Variants in UNC79 observed in about 807,000 individuals in gnomAD.
The protein encoded by UNC79 is protein unc-79 homolog.
Under a neutral mutation model 283.1 loss-of-function variants are expected in UNC79, and 37 were observed. The ratio of observed to expected loss-of-function variants is 0.13; its 90% CI spans 0.10 to 0.17. The LOEUF (loss-of-function observed/expected upper bound fraction) is 0.17, where lower values mean the gene tolerates loss of function less well. Ranked by LOEUF, UNC79 falls within the 10% of genes least tolerant of loss-of-function variation. The pLI, the probability that UNC79 is intolerant of heterozygous loss-of-function variation, is 1.00. For missense variants in UNC79, 2,272 were observed against 3,211.1 expected, an observed-to-expected ratio of 0.71 and a Z score of 7.07; for synonymous variants, 1,107 against 1,200.2, an observed-to-expected ratio of 0.92 and a Z score of 1.61.
intron 20 of UNC79, among the ~76,000 whole-genome samples, chr14:93,583,917 C>T (rs2064017387): frequency 6.6e-6 from 1 of 151,950 alleles, no homozygotes; most frequent in Non-Finnish European, 1.5e-5. Flanking sequence ...GCAGTCCTCC[C>T]ACCTCAGCCT....
intron 26 of UNC79, among the ~76,000 whole-genome samples, chr14:93,608,583 A>G (rs2066058428): frequency 6.6e-6 from 1 of 152,232 alleles, no homozygotes; most frequent in African/African-American, 2.4e-5. Flanking sequence ...CAGGGAGATG[A>G]GCGAGGCAGT....
chr14:93,430,802 T>G lies in UNC79; in HGVS notation c.-228T>G. 2.1e-6 allele frequency: 1 copy of G among 467,844 alleles called. No individual in the cohort carries two copies. Among genetic ancestry groups the G allele is most frequent in the East Asian group, 4.0e-5 (1 of 25,108 alleles). The allele number at this position is 467,844 out of a possible 1,614,324, so 29.0% of individuals were successfully genotyped here. A position where few individuals can be genotyped will look rare whatever the true frequency, so the allele number is the denominator to read the frequency against. The stretch of plus-strand genomic sequence containing the variant: ...GGACAGGAAGCCTTTGGCCGCCTAT[T>G]AAATCCCACCCATTTCTCCGGGGGC... On this transcript the variant is annotated 5_prime_UTR_variant, in exon 1 of 49. Transcript: ENST00000555664. This position sits in a 1 kb window ranked among gnomAD's most constrained non-coding sequence, Gnocchi z 4.6.
At chr14:93,469,875 C>T (rs893780293) in intron 2 of UNC79, among the ~76,000 whole-genome samples, 1 of 152,060 alleles carries the variant, frequency 6.6e-6, no homozygotes, top group Admixed American at 6.6e-5. Flanking sequence ...GAGCGACACC[C>T]TATCTCTAAG....
At chr14:93,572,744 G>T in exon 16 of UNC79, 1 of 1,614,162 alleles carries the variant, frequency 6.2e-7, no homozygotes, top group Non-Finnish European at 8.5e-7. Flanking sequence ...TGGAGGAGAT[G>T]TTTGGTTTTA....
At chr14:93,669,502 C>G (rs1395104762) in intron 40 of UNC79, among the ~76,000 whole-genome samples, 1 of 152,144 alleles carries the variant, frequency 6.6e-6, no homozygotes, top group Non-Finnish European at 1.5e-5. Flanking sequence ...TGCCATGCCT[C>G]CTGACCCACA....
chr14:93,577,323 G>A (rs2063530990), intron 17 of UNC79, among the ~76,000 whole-genome samples: 1 of 152,206 alleles, frequency 6.6e-6, no homozygotes, highest in African/African-American at 2.4e-5. Context: ...GGCCAAGGAG[G>A]TAGTAAGAGT....
chr14:93,449,498 A>G (rs776937251), intron 1 of UNC79, among the ~76,000 whole-genome samples: 12 of 152,022 alleles, frequency 7.9e-5, no homozygotes, highest in Non-Finnish European at 1.6e-4. Context: ...CATGCCTTTA[A>G]TCCCAGCTAC....
chr14:93,625,088 T>C (rs959811615), intron 30 of UNC79, among the ~76,000 whole-genome samples: 2 of 152,214 alleles, frequency 1.3e-5, no homozygotes, highest in Non-Finnish European at 2.9e-5. Context: ...CCTAGGAAAT[T>C]CATGGTCCTT....
chr14:93,357,983 A>G (rs1349447889), intron 1 of UNC79, among the ~76,000 whole-genome samples: 1 of 142,524 alleles, frequency 7.0e-6, no homozygotes, highest in African/African-American at 2.6e-5. Flanking sequence ...ATAGATATAT[A>G]TCTCTCTCCT....
chr14:93,696,987 T>C (rs1243779112), intron 47 of UNC79, among the ~76,000 whole-genome samples: 1 of 152,150 alleles, frequency 6.6e-6, no homozygotes, highest in Non-Finnish European at 1.5e-5. Flanking sequence ...TTTTTGTATA[T>C]GGATAGTCAG....
chr14:93,618,104 A>C (rs1343404812), intron 28 of UNC79, 88 bp from the exon 30 acceptor site: 2 of 1,404,266 alleles, frequency 1.4e-6, no homozygotes, highest in African/African-American at 1.4e-5. Context: ...CCCAAGAGAT[A>C]CTGCAAAAAG....
chr14:93,563,965 G>A (rs918253653), intron 14 of UNC79, among the ~76,000 whole-genome samples: 1 of 152,152 alleles, frequency 6.6e-6, no homozygotes, highest in Non-Finnish European at 1.5e-5. Context: ...GTTGAGCATA[G>A]TTCATGATTT....
intron 1 of UNC79, among the ~76,000 whole-genome samples, chr14:93,395,863 C>G (rs2054984836): frequency 6.6e-6 from 1 of 151,708 alleles, no homozygotes; most frequent in Admixed American, 6.6e-5. Flanking sequence ...GTTTGAATAT[C>G]TAGGCATGGA....
At chr14:93,680,061 A>T (rs190640734) in intron 41 of UNC79, among the ~76,000 whole-genome samples, 2 of 152,176 alleles carry the variant, frequency 1.3e-5, no homozygotes, top group African/African-American at 4.8e-5. Context: ...AGGCTTATGC[A>T]CTTTTATTTC....
intron 1 of UNC79, chr14:93,347,251 T>C (rs769238297): frequency 6.3e-6 from 10 of 1,590,254 alleles, no homozygotes; most frequent in South Asian, 1.1e-5. Flanking sequence ...CGCCTGGCTT[T>C]GTCTCACCTG....
intron 1 of UNC79, among the ~76,000 whole-genome samples, chr14:93,423,328 C>T (rs1294700295): frequency 6.6e-6 from 1 of 152,020 alleles, no homozygotes; most frequent in Non-Finnish European, 1.5e-5. Flanking sequence ...ATCAAAATAC[C>T]AATGACATTC....
Position 93,688,689 on chromosome 14 carries a change from C to T in UNC79, c.6934C>T (p.Pro2312Ser). The change falls in exon 44 of 49, where the codon CCT (proline) becomes TCT (serine). Residue 2312 changes from proline (P) to serine (S), a missense_variant. Physicochemically the swap from Pro to Ser is moderately conservative, Grantham distance 74. Transcript: ENST00000555664. The surrounding 1 kb of genome is among the most constrained non-coding windows in gnomAD (Gnocchi z 4.0). ...GAGCCACATGAAGACATGTTCCCAGCCTCTGCATGAAGATACCTTTGGGGG... is the reference window on the plus strand; with the variant it reads ...GAGCCACATGAAGACATGTTCCCAGTCTCTGCATGAAGATACCTTTGGGGG... 6.2e-7 allele frequency: 1 copy of T among 1,613,854 alleles called. No homozygotes were observed. Among genetic ancestry groups the T allele is most frequent in the Non-Finnish European group, 8.5e-7 (1 of 1,179,864 alleles).
intron 7 of UNC79, among the ~76,000 whole-genome samples, chr14:93,509,221 C>T (rs983282928): frequency 2.0e-5 from 3 of 152,160 alleles, no homozygotes; most frequent in African/African-American, 7.2e-5. Flanking sequence ...TCACCCCTCA[C>T]CAGGCCCCTC....
chr14:93,586,681 T>C lies in UNC79; in HGVS notation c.2883+6T>C, dbSNP rs1359191476. On this transcript the variant is annotated splice_donor_region_variant and intron_variant, in intron 21 of 48. Transcript: ENST00000555664. ...TAATATATACCATTTTCCAGGTATA[T>C]TTTCTGATGTCTTTGAATACTTGGC... 1.2e-6 allele frequency: 2 copies of C among 1,613,314 alleles called. No individual in the cohort carries two copies. The highest frequency in any genetic ancestry group is 3.3e-5 in the Admixed American group (2 of 59,918).
Sources: gnomAD v4.1 joint callset for allele counts (sites outside exome capture counted in the v4.1 genomes callset) on GRCh38, gnomAD v4.1.1 for gene constraint, Gnocchi (gnomAD v3.1) non-coding constraint, MANE v1.5 for transcripts, NCBI Gene and HGNC (gene_info 2026-07-23, HGNC 2026-07-21) for gene names.